MCHR2: variants seen among roughly 807,000 people sequenced by gnomAD.
MCHR2 encodes melanin-concentrating hormone receptor 2.
MCHR2 carries 15 observed loss-of-function variants against 24.8 expected under a neutral mutation model. The ratio of observed to expected loss-of-function variants is 0.60; its 90% CI spans 0.40 to 0.93. The LOEUF (loss-of-function observed/expected upper bound fraction) is 0.93, where lower values mean the gene tolerates loss of function less well. MCHR2 is among the 40% of genes least tolerant of loss of function. The pLI, the probability that MCHR2 is intolerant of heterozygous loss-of-function variation, is 0.00. For synonymous variants in MCHR2, 151 were observed against 147.6 expected, an observed-to-expected ratio of 1.02 and a Z score of -0.17; for missense variants, 386 against 408.7, an observed-to-expected ratio of 0.94 and a Z score of 0.48.
intron 1 of MCHR2, among the ~76,000 whole-genome samples, chr6:99,993,002 A>G (rs1054718104): frequency 6.6e-6 from 1 of 152,216 alleles, no homozygotes; most frequent in African/African-American, 2.4e-5. Context: ...GAAAACATTC[A>G]TTGAAAACAG....
chr6:99,936,185 CAGA>C (rs938964688), intron 4 of MCHR2, among the ~76,000 whole-genome samples: 51 of 152,024 alleles, frequency 3.4e-4, no homozygotes, highest in African/African-American at 1.1e-3. Flanking sequence ...CTTTGCTGTG[CAGA>C]AGCTTTTTAG....
At chr6:99,975,508 C>T (rs1463924836) in intron 1 of MCHR2, among the ~76,000 whole-genome samples, 1 of 152,230 alleles carries the variant, frequency 6.6e-6, no homozygotes, top group African/African-American at 2.4e-5. Context: ...AACTCCCTGA[C>T]CCCTTGCGCT....
intron 4 of MCHR2, among the ~76,000 whole-genome samples, chr6:99,941,738 C>A (rs988702265): frequency 6.6e-6 from 1 of 152,100 alleles, no homozygotes; most frequent in Admixed American, 6.6e-5. Flanking sequence ...TCTTGGATTT[C>A]CAGCTTCTAG....
At chr6:99,955,839 A>G (rs903996509) in intron 2 of MCHR2, 127 bp downstream of exon 2, 13 of 748,024 alleles carry the variant, frequency 1.7e-5, no homozygotes, top group East Asian at 3.0e-5. Flanking sequence ...AATTATCTTA[A>G]GCAAATATTT....
chr6:99,950,550 A>G (rs1361042212), intron 2 of MCHR2, among the ~76,000 whole-genome samples: 2 of 152,154 alleles, frequency 1.3e-5, no homozygotes, highest in African/African-American at 2.4e-5. Flanking sequence ...ACCACACTCA[A>G]TAGGATGTAC....
intron 2 of MCHR2, among the ~76,000 whole-genome samples, chr6:99,955,333 T>C (rs535511318): frequency 7.9e-5 from 12 of 152,246 alleles, no homozygotes; most frequent in African/African-American, 2.9e-4. Context: ...GAGGAGGAAA[T>C]TACCTGAATT....
At chr6:99,986,830 C>T (rs1226054811) in intron 1 of MCHR2, among the ~76,000 whole-genome samples, 1 of 150,532 alleles carries the variant, frequency 6.6e-6, no homozygotes, top group Non-Finnish European at 1.5e-5. Context: ...TAAGTATATA[C>T]ATGGACCCCT....
At chr6:99,938,052 T>C (rs980111418) in intron 4 of MCHR2, among the ~76,000 whole-genome samples, 1 of 151,948 alleles carries the variant, frequency 6.6e-6, no homozygotes, top group Non-Finnish European at 1.5e-5. Context: ...GTTGTTATGT[T>C]TCCCTTTTTG....
intron 1 of MCHR2, among the ~76,000 whole-genome samples, chr6:99,989,840 C>T (rs1222694571): frequency 6.6e-6 from 1 of 152,044 alleles, no homozygotes; most frequent in Non-Finnish European, 1.5e-5. Context: ...TAATAGTACA[C>T]AATTTTATAA....
chr6:99,946,561 A>G (rs1401224263), intron 3 of MCHR2, among the ~76,000 whole-genome samples: 1 of 152,098 alleles, frequency 6.6e-6, no homozygotes, highest in Admixed American at 6.6e-5. Context: ...TCATTCATTC[A>G]TTCATCAATA....
At chr6:99,949,902 TAGAA>T (rs1480444225) in intron 2 of MCHR2, among the ~76,000 whole-genome samples, 3 of 130,330 alleles carry the variant, frequency 2.3e-5, no homozygotes, top group Non-Finnish European at 3.2e-5. Context: ...AGCAGTCAGA[TAGAA>T]AGAGCTCCAA....
chr6:99,949,782 A>T (rs1774933185), intron 2 of MCHR2, among the ~76,000 whole-genome samples: 3 of 152,092 alleles, frequency 2.0e-5, no homozygotes, highest in South Asian at 4.1e-4. Flanking sequence ...AGAAAAGATC[A>T]TGTCAAACAA....
intron 1 of MCHR2, among the ~76,000 whole-genome samples, chr6:99,980,562 T>TGG (rs1206611658): frequency 1.3e-5 from 2 of 151,766 alleles, no homozygotes; most frequent in African/African-American, 4.8e-5. Flanking sequence ...TGTGTGTGTG[T>TGG]GTGCGCTCAC....
chr6:99,972,953 A>T (rs367858643), intron 1 of MCHR2, among the ~76,000 whole-genome samples: 55 of 152,106 alleles, frequency 3.6e-4, no homozygotes, highest in African/African-American at 1.2e-3. Context: ...CTGTTCTTTT[A>T]CATTTGCTGA....
At chr6:99,954,929 A>C (rs1485544180) in intron 2 of MCHR2, among the ~76,000 whole-genome samples, 1 of 152,184 alleles carries the variant, frequency 6.6e-6, no homozygotes, top group Non-Finnish European at 1.5e-5. Flanking sequence ...TTTTGTATTT[A>C]GACTTGGTCC....
rs987826931 is a variant in MCHR2, at chr6:99,928,785, C to A, written c.707+5613G>T. ...CAATTTTGTTGATCATTTCAAAAAA[C>A]CAGCTCCTGGATTAATTAATTCTTT... On this transcript the variant is annotated intron_variant, in intron 5 of 5. Coordinates refer to ENST00000281806, the MANE Select transcript of MCHR2 (RefSeq NM_001040179.2). 9.2e-5 allele frequency among the ~76,000 whole-genome samples: 14 copies of A among 152,290 alleles called. 1 individual carries two copies. In the East Asian group the frequency reaches 2.3e-3, roughly 25 times the overall value.
intron 2 of MCHR2, among the ~76,000 whole-genome samples, chr6:99,953,700 T>G (rs1344711200): frequency 6.6e-6 from 1 of 150,648 alleles, no homozygotes; most frequent in Non-Finnish European, 1.5e-5. Flanking sequence ...TTTTTTTTGG[T>G]ATTTTCATAA....
chr6:99,927,287 T>A lies in MCHR2; in HGVS notation c.708-6032A>T, dbSNP rs568692013. On this transcript the variant is annotated intron_variant, in intron 5 of 5. Transcript: ENST00000281806. Reference sequence around the variant, plus strand: ...GGTAGCATGATGCCTCCAGCTTTGTTCTTTTGGCTTAGGATTCACTTGGCG... The same window carrying A: ...GGTAGCATGATGCCTCCAGCTTTGTACTTTTGGCTTAGGATTCACTTGGCG... 1.4e-4 allele frequency among the ~76,000 whole-genome samples: 21 copies of A among 152,358 alleles called. No individual in the cohort carries two copies. In the South Asian group the frequency reaches 2.1e-3, roughly 15 times the overall value.
intron 5 of MCHR2, among the ~76,000 whole-genome samples, chr6:99,926,451 A>G (rs1303587471): frequency 6.7e-6 from 1 of 148,782 alleles, no homozygotes; most frequent in Non-Finnish European, 1.5e-5. Context: ...AGTCCCACCA[A>G]CAGTGTAAAA....
Sources: allele counts gnomAD v4.1 joint callset (sites outside exome capture counted in the v4.1 genomes callset), GRCh38; gene constraint gnomAD v4.1.1; transcripts MANE v1.5; gene names NCBI Gene and HGNC (gene_info 2026-07-23, HGNC 2026-07-21).